Variants in TMEFF1 observed in about 807,000 individuals in gnomAD.
TMEFF1 encodes the protein tomoregulin-1.
In TMEFF1, 20 loss-of-function variants were observed where a neutral mutation model predicts 47.5. The observed-to-expected ratio is 0.42, with a 90% CI of 0.30 to 0.61. The LOEUF (loss-of-function observed/expected upper bound fraction) is 0.61. Among genes scored for constraint, TMEFF1 ranks in the 20% least tolerant of loss-of-function variants. The pLI, the probability that TMEFF1 is intolerant of heterozygous loss-of-function variation, is 0.19. For synonymous variants in TMEFF1, 162 were observed against 166.3 expected (o/e 0.97, Z 0.20); for missense variants, 411 against 471.1 (o/e 0.87, Z 1.18).
chr9:100,495,305 A>C (rs887092711), intron 1 of TMEFF1, among the ~76,000 whole-genome samples: 1 of 152,186 alleles, frequency 6.6e-6, no homozygotes, highest in African/African-American at 2.4e-5. Context: ...TATTTAAAAT[A>C]TCTTTTCCAA....
rs937234719 is a variant in TMEFF1, at chr9:100,519,853, G to C, written c.560+3082G>C. Among the ~76,000 whole-genome samples the C allele has an allele frequency of 3.3e-5, 5 of 151,348 alleles. No homozygotes were observed. In the East Asian group the frequency reaches 9.7e-4, roughly 29 times the overall value. On this transcript the variant is annotated intron_variant, in intron 5 of 9. Coordinates refer to ENST00000374879, the MANE Select transcript of TMEFF1 (RefSeq NM_003692.5). ...TTACCAGTGACTTTCAGTCTTTTTTGACTACACTTCATGTAAAAAATACAT... is the reference window on the plus strand; with the variant it reads ...TTACCAGTGACTTTCAGTCTTTTTTCACTACACTTCATGTAAAAAATACAT...
chr9:100,489,652 A>G (rs796553749), intron 1 of TMEFF1, among the ~76,000 whole-genome samples: 3 of 152,310 alleles, frequency 2.0e-5, no homozygotes, highest in Admixed American at 6.5e-5. Flanking sequence ...TTTGGTGGGT[A>G]TACCTTCCAG....
intron 5 of TMEFF1, among the ~76,000 whole-genome samples, chr9:100,534,872 T>C (rs1026420084): frequency 3.3e-5 from 5 of 152,198 alleles, no homozygotes; most frequent in East Asian, 3.9e-4. Flanking sequence ...TTTTCTTCCG[T>C]TAACCACCAT....
chr9:100,561,904 A>T (rs1375705686), intron 8 of TMEFF1, among the ~76,000 whole-genome samples: 1 of 152,210 alleles, frequency 6.6e-6, no homozygotes, highest in Non-Finnish European at 1.5e-5. Context: ...ATTTCTAAAA[A>T]TAAGGGGATG....
chr9:100,563,452 A>T (rs2118553709), intron 8 of TMEFF1, among the ~76,000 whole-genome samples: 1 of 152,352 alleles, frequency 6.6e-6, no homozygotes, highest in Non-Finnish European at 1.5e-5. Flanking sequence ...ACTAACTGAA[A>T]GTAAGAGGAT....
intron 5 of TMEFF1, among the ~76,000 whole-genome samples, chr9:100,525,619 A>C (rs1838241128): frequency 6.6e-6 from 1 of 152,030 alleles, no homozygotes; most frequent in South Asian, 2.1e-4. Context: ...TGACTGGTTA[A>C]CTCATTGGTC....
intron 5 of TMEFF1, among the ~76,000 whole-genome samples, chr9:100,533,433 T>G (rs1564020685): frequency 6.6e-6 from 1 of 152,140 alleles, no homozygotes; most frequent in Admixed American, 6.5e-5. Flanking sequence ...TACAATAACC[T>G]TTTATTATCT....
chr9:100,517,335 ATCT>A (rs1838093135), intron 5 of TMEFF1, among the ~76,000 whole-genome samples: 1 of 152,158 alleles, frequency 6.6e-6, no homozygotes, highest in Non-Finnish European at 1.5e-5. Context: ...GCATAAATGG[ATCT>A]TCTTCACTTC....
chr9:100,492,602 T>C (rs950252084), intron 1 of TMEFF1, among the ~76,000 whole-genome samples: 6 of 152,180 alleles, frequency 3.9e-5, no homozygotes, highest in African/African-American at 1.4e-4. Context: ...AGATAAGTTC[T>C]AAGAGTGTTA....
At chr9:100,510,943 C>T (rs1837952792) in intron 3 of TMEFF1, among the ~76,000 whole-genome samples, 1 of 152,124 alleles carries the variant, frequency 6.6e-6, no homozygotes, top group South Asian at 2.1e-4. Flanking sequence ...TTAGACGTGG[C>T]CCAACCCCCA....
chr9:100,556,908 C>T (rs55969133), intron 7 of TMEFF1, among the ~76,000 whole-genome samples: 39,180 of 151,616 alleles, frequency 0.26, 6,542 homozygotes, highest in Admixed American at 0.38. Flanking sequence ...TGCAGTGGTG[C>T]GATCTCAGCT....
At chr9:100,533,852 G>T (rs560470093) in intron 5 of TMEFF1, among the ~76,000 whole-genome samples, 1 of 152,220 alleles carries the variant, frequency 6.6e-6, no homozygotes, top group East Asian at 1.9e-4. Flanking sequence ...CCGAGTAGCT[G>T]GGATTACAGG....
chr9:100,548,626 T>G (rs1407796565), intron 6 of TMEFF1, among the ~76,000 whole-genome samples: 2 of 152,232 alleles, frequency 1.3e-5, no homozygotes, highest in African/African-American at 4.8e-5. Flanking sequence ...ATATCTTTCT[T>G]GCTTACTGGT....
At chr9:100,487,606 T>C (rs1837473717) in intron 1 of TMEFF1, among the ~76,000 whole-genome samples, 1 of 152,184 alleles carries the variant, frequency 6.6e-6, no homozygotes, top group Non-Finnish European at 1.5e-5. Context: ...TATTCAATGT[T>C]TTACAACAAA....
intron 1 of TMEFF1, among the ~76,000 whole-genome samples, chr9:100,475,036 T>C (rs1837195223): frequency 6.6e-6 from 1 of 152,132 alleles, no homozygotes; most frequent in South Asian, 2.1e-4. Context: ...CTTGCCCTTT[T>C]ATCAATTCTG....
At chr9:100,492,620 G>A (rs929412428) in intron 1 of TMEFF1, among the ~76,000 whole-genome samples, 1 of 152,140 alleles carries the variant, frequency 6.6e-6, no homozygotes, top group Non-Finnish European at 1.5e-5. Context: ...TTATTGACAC[G>A]GACTGGGCAG....
chr9:100,542,203 G>C (rs1438485097), intron 5 of TMEFF1, among the ~76,000 whole-genome samples: 1 of 150,790 alleles, frequency 6.6e-6, no homozygotes, highest in Non-Finnish European at 1.5e-5. Context: ...TGCATATTCA[G>C]CTTATCACAA....
chr9:100,473,410 A>C lies in TMEFF1; in HGVS notation c.-135A>C. The C allele has an allele frequency of 1.7e-6, 1 of 594,432 alleles. No individual in the cohort carries two copies. The allele number at this position is 594,432 out of a possible 1,614,324, so 36.8% of individuals were successfully genotyped here. On this transcript the variant is annotated 5_prime_UTR_variant, in exon 1 of 10. The change abolishes an upstream ATG in the 5' untranslated region. Coordinates refer to ENST00000374879, the MANE Select transcript of TMEFF1 (RefSeq NM_003692.5). This position sits in a 1 kb window ranked among gnomAD's most constrained non-coding sequence, Gnocchi z 5.4. Reference sequence around the variant, plus strand: ...GGCGGACGCTGCGGGTGGGGCGGGGATGCTGACGGGCTGCTCCCCGGCTCA... The same window carrying C: ...GGCGGACGCTGCGGGTGGGGCGGGGCTGCTGACGGGCTGCTCCCCGGCTCA...
intron 8 of TMEFF1, among the ~76,000 whole-genome samples, chr9:100,565,632 CCT>C (rs1234342881): frequency 6.6e-6 from 1 of 152,156 alleles, no homozygotes; most frequent in Non-Finnish European, 1.5e-5. Flanking sequence ...AGCAGTACCT[CCT>C]CTCTCATCCT....
Sources: gnomAD v4.1 joint callset for allele counts (sites outside exome capture counted in the v4.1 genomes callset) on GRCh38, gnomAD v4.1.1 for gene constraint, Gnocchi (gnomAD v3.1) non-coding constraint, MANE v1.5 for transcripts, NCBI Gene and HGNC (gene_info 2026-07-23, HGNC 2026-07-21) for gene names.